Variants in ESYT2 observed in about 807,000 individuals in gnomAD.
The protein encoded by ESYT2 is extended synaptotagmin-2.
Under a neutral mutation model 107.2 loss-of-function variants are expected in ESYT2, and 54 were observed. That is an observed-to-expected ratio of 0.50 (90% CI 0.40 to 0.63). ESYT2 has a LOEUF of 0.63. ESYT2 is among the 30% of genes least tolerant of loss of function. The probability of loss-of-function intolerance (pLI) is 0.00; values close to 1 mark genes in which losing one functional copy is unlikely to be tolerated. For synonymous variants in ESYT2, 491 were observed against 434.1 expected (o/e 1.13, Z -1.63); for missense variants, 1,020 against 1,094.5 (o/e 0.93, Z 0.96).
At position 158,804,261 on chromosome 7, in the gene ESYT2, CCGCCGAGAAGGG is replaced by C. The variant is rs1384506628; in HGVS notation, c.331-5201_331-5190del. Among the ~76,000 whole-genome samples the C allele has an allele frequency of 1.4e-4, 11 of 78,252 alleles. 1 individual carries two copies. Among genetic ancestry groups the C allele is most frequent in the African/African-American group, 6.2e-4 (10 of 16,194 alleles). 51.3% of individuals were successfully genotyped at this position (78,252 alleles called of 152,430 possible). A position where few individuals can be genotyped will look rare whatever the true frequency, so the allele number is the denominator to read the frequency against. On this transcript the variant is annotated intron_variant, in intron 1 of 22. Transcript: ENST00000275418. ...GGGTGAGGCGCGCGACAAACCCAAA[CCGCCGAGAAGGG>C]TGAGGCGCGCGACAAACCCAAACCG...
intron 7 of ESYT2, among the ~76,000 whole-genome samples, chr7:158,769,736 C>T (rs1252642777): frequency 6.6e-6 from 1 of 152,156 alleles, no homozygotes; most frequent in African/African-American, 2.4e-5. Flanking sequence ...TATTAAAACA[C>T]AATGGATATT....
rs1836773090 is a variant in ESYT2, at chr7:158,732,132, G to A, written c.*2075C>T. The A allele has an allele frequency of 6.6e-6, 1 of 152,188 alleles. No individual in the cohort carries two copies. The highest frequency in any genetic ancestry group is 2.4e-5 in the African/African-American group (1 of 41,436). The allele number at this position is 152,188 out of a possible 1,614,324, so 9.4% of individuals were successfully genotyped here. A position where few individuals can be genotyped will look rare whatever the true frequency, so the allele number is the denominator to read the frequency against. On this transcript the variant is annotated 3_prime_UTR_variant, in exon 23 of 23. Transcript: ENST00000275418. ...CATTCCATTAAGCAAAATACACATG[G>A]AGCGGATTACACACTGGACTGCAGA...
chr7:158,750,796 G>A (rs1004993598), intron 14 of ESYT2, among the ~76,000 whole-genome samples: 4 of 152,100 alleles, frequency 2.6e-5, no homozygotes, highest in African/African-American at 9.7e-5. Flanking sequence ...TACAGATTTT[G>A]TTGGCTAACC....
At chr7:158,760,224 T>C in intron 11 of ESYT2, 77 bp from the exon 12 acceptor site, 1 of 1,304,640 alleles carries the variant, frequency 7.7e-7, no homozygotes, top group Non-Finnish European at 1.1e-6. Flanking sequence ...TCTCTACAAA[T>C]GTTCCATGCT....
intron 1 of ESYT2, among the ~76,000 whole-genome samples, chr7:158,808,401 AT>A (rs1451686125): frequency 1.3e-5 from 2 of 152,238 alleles, no homozygotes; most frequent in Non-Finnish European, 2.9e-5. Context: ...CGACGTGCTC[AT>A]TTCAAGTCAC....
Position 158,734,058 on chromosome 7 carries a change from C to T in ESYT2, c.*149G>A, listed in dbSNP as rs1403003345. On this transcript the variant is annotated 3_prime_UTR_variant, in exon 23 of 23. Transcript: ENST00000275418. ...CAATGATAATATTGGCCAAATTTGC[C>T]TGAAATGTCAACAATTTTATAAAAC... The T allele has an allele frequency of 9.9e-7, 1 of 1,007,430 alleles. No individual in the cohort carries two copies. Among genetic ancestry groups the T allele is most frequent in the East Asian group, 2.7e-5 (1 of 36,438 alleles). The allele number at this position is 1,007,430 out of a possible 1,614,324, so 62.4% of individuals were successfully genotyped here.
At chr7:158,756,882 C>A (rs1465480731) in intron 13 of ESYT2, among the ~76,000 whole-genome samples, 1 of 143,694 alleles carries the variant, frequency 7.0e-6, no homozygotes, top group Non-Finnish European at 1.5e-5. Context: ...GCACTCCAGC[C>A]TGGGCAAGAA....
chr7:158,748,414 CTTAA>C (rs781339968), intron 15 of ESYT2, 134 bp from the exon 16 acceptor site: 10 of 691,024 alleles, frequency 1.4e-5, no homozygotes, highest in East Asian at 5.5e-5. Context: ...TTAGGTTGAC[CTTAA>C]TTAAATTCCA....
intron 1 of ESYT2, among the ~76,000 whole-genome samples, chr7:158,801,227 T>C (rs1839633969): frequency 6.6e-6 from 1 of 152,224 alleles, no homozygotes; most frequent in African/African-American, 2.4e-5. Flanking sequence ...GCTTTGAATA[T>C]AAGTGAACTG....
At chr7:158,735,294 C>T (rs1387971024) in intron 21 of ESYT2, among the ~76,000 whole-genome samples, 1 of 152,182 alleles carries the variant, frequency 6.6e-6, no homozygotes, top group Non-Finnish European at 1.5e-5. Flanking sequence ...CAATGTGATA[C>T]TTGAACAAAA....
At chr7:158,782,431 GGT>G (rs199612593) in intron 6 of ESYT2, among the ~76,000 whole-genome samples, 19 of 149,934 alleles carry the variant, frequency 1.3e-4, no homozygotes, top group Admixed American at 1.1e-3. Flanking sequence ...AACAAAGTGA[GGT>G]GTGAGTGTAA....
chr7:158,798,646 C>CAAAAAAAAAAAAAAAA (rs57351086), intron 2 of ESYT2, among the ~76,000 whole-genome samples: 5 of 49,850 alleles, frequency 1.0e-4, no homozygotes, highest in Non-Finnish European at 1.6e-4. Context: ...AGCTCCGTCT[C>CAAAAAAAAAAAAAAAA]AAAAAAAAAA....
At chr7:158,787,919 T>G in intron 6 of ESYT2, 85 bp downstream of exon 6, 2 of 1,073,814 alleles carry the variant, frequency 1.9e-6, no homozygotes, top group Admixed American at 3.8e-5. Context: ...GATAAAATTT[T>G]GTTTCTCCAC....
At chr7:158,747,078 G>A (rs1357931784) in intron 16 of ESYT2, among the ~76,000 whole-genome samples, 1 of 151,456 alleles carries the variant, frequency 6.6e-6, no homozygotes, top group Admixed American at 6.6e-5. Context: ...GGGTGCGTTG[G>A]CTCACGCCTG....
At chr7:158,808,883 C>T (rs890712897) in intron 1 of ESYT2, among the ~76,000 whole-genome samples, 5 of 151,470 alleles carry the variant, frequency 3.3e-5, no homozygotes, top group African/African-American at 1.2e-4. Flanking sequence ...GGCTGAGCCA[C>T]GAGAATTGCT....
chr7:158,767,815 CAT>C (rs777916149), intron 7 of ESYT2, 41 bp from the exon 8 acceptor site: 4 of 1,583,270 alleles, frequency 2.5e-6, no homozygotes, highest in South Asian at 2.3e-5. Context: ...GACTATCAGA[CAT>C]GTGAATGCTT....
In ESYT2 at chr7:158,808,991, CAACAA is replaced by C. The variant is rs1198373622; in HGVS notation, c.331-9924_331-9920del. 4.6e-5 allele frequency among the ~76,000 whole-genome samples: 7 copies of C among 151,650 alleles called. No individual in the cohort carries two copies. The South Asian group carries it at 6.3e-4, about 14-fold the overall frequency. ...ATTCTATCTCAGAAAACAACAACAA[CAACAA>C]AACAAAACAAAACCAATAAATAAAC... is the stretch of plus-strand genomic sequence containing the variant. On this transcript the variant is annotated intron_variant, in intron 1 of 22. Transcript: ENST00000275418.
intron 17 of ESYT2, 65 bp downstream of exon 17, chr7:158,743,464 T>G: frequency 1.9e-5 from 30 of 1,556,546 alleles, no homozygotes; most frequent in South Asian, 2.4e-5. Flanking sequence ...CCGGGGCCCA[T>G]GAGTATCCCT....
At chr7:158,824,998 A>T (rs1658334884) in intron 1 of ESYT2, among the ~76,000 whole-genome samples, 1 of 152,130 alleles carries the variant, frequency 6.6e-6, no homozygotes, top group Non-Finnish European at 1.5e-5. Flanking sequence ...GCCTCTCTTT[A>T]AAAAACAAAA....
Sources: gnomAD v4.1 joint callset for allele counts (sites outside exome capture counted in the v4.1 genomes callset) on GRCh38, gnomAD v4.1.1 for gene constraint, MANE v1.5 for transcripts, NCBI Gene and HGNC (gene_info 2026-07-23, HGNC 2026-07-21) for gene names.